The following WDFY3 variants were observed in gnomAD, a reference collection of about 807,000 sequenced individuals.
The protein encoded by WDFY3 is WD repeat and FYVE domain containing 3, also known as WD repeat and FYVE domain-containing protein 3.
WDFY3 carries 66 observed loss-of-function variants against 409.6 expected under a neutral mutation model. The ratio of observed to expected loss-of-function variants is 0.16; its 90% CI spans 0.13 to 0.20. WDFY3 has a LOEUF of 0.20. Ranked by LOEUF, WDFY3 falls within the 10% of genes least tolerant of loss-of-function variation. The pLI is 1.00. For missense variants in WDFY3, 3,031 were observed against 4,298.1 expected (o/e 0.71, Z 8.24); for synonymous variants, 1,521 against 1,537.1 (o/e 0.99, Z 0.25).
chr4:84,801,787 CAT>C lies in WDFY3; in HGVS notation c.2683_2684del (p.Met895ValfsTer2). On this transcript the variant is annotated frameshift_variant, in exon 17 of 68. Coordinates refer to ENST00000295888, the MANE Select transcript of WDFY3 (RefSeq NM_014991.6). LOFTEE classifies it high-confidence loss of function. The stretch of plus-strand genomic sequence containing the variant: ...GTCGTGCATGAAGACCAGCTTCACA[CAT>C]GACTTGCTGGTTCCTTTCTGTGTGC... Reference protein sequence around the residue: ...LVHTERNQQVMCEAGLHARLL... With the variant: ...LVHTERNQQVXCEAGLHARLL... 6.2e-7 allele frequency: 1 copy of C among 1,614,194 alleles called. No individual in the cohort carries two copies. The highest frequency in any genetic ancestry group is 8.5e-7 in the Non-Finnish European group (1 of 1,180,038).
At chr4:84,741,949 A>T in intron 37 of WDFY3, 28 bp from the exon 38 acceptor site, 1 of 1,557,438 alleles carries the variant, frequency 6.4e-7, no homozygotes, top group Non-Finnish European at 8.7e-7. Context: ...AAAAAGTCTA[A>T]GAAAATTGAT....
At chr4:84,783,220 C>A in intron 24 of WDFY3, 146 bp from the exon 25 acceptor site, 1 of 739,528 alleles carries the variant, frequency 1.4e-6, no homozygotes. Context: ...TAGGTCCAGC[C>A]TGGTGGCTCA....
chr4:84,721,655 T>A, intron 46 of WDFY3, 83 bp from the exon 47 acceptor site: 2 of 1,508,768 alleles, frequency 1.3e-6, no homozygotes, highest in Non-Finnish European at 1.8e-6. Context: ...GTTCCTTCTA[T>A]AGATTTCCAA....
chr4:84,746,757 G>C (rs1275330292), intron 36 of WDFY3, among the ~76,000 whole-genome samples: 1 of 151,996 alleles, frequency 6.6e-6, no homozygotes, highest in Non-Finnish European at 1.5e-5. Flanking sequence ...ACTGTTTTGT[G>C]CCAGACACAG....
intron 5 of WDFY3, among the ~76,000 whole-genome samples, chr4:84,844,085 A>C (rs546803423): frequency 6.6e-6 from 1 of 152,226 alleles, no homozygotes; most frequent in South Asian, 2.1e-4. Context: ...CCAGGATTTC[A>C]TTAAATAAGT....
intron 41 of WDFY3, among the ~76,000 whole-genome samples, chr4:84,736,752 A>G (rs993646800): frequency 3.3e-5 from 5 of 152,184 alleles, no homozygotes; most frequent in African/African-American, 4.8e-5. Context: ...TTAATACGTC[A>G]ATATTACTGC....
At chr4:84,885,176 T>G (rs1764033063) in intron 3 of WDFY3, among the ~76,000 whole-genome samples, 1 of 151,998 alleles carries the variant, frequency 6.6e-6, no homozygotes, top group Admixed American at 6.6e-5. Flanking sequence ...AATTTTTTTT[T>G]GTATTTTTGT....
intron 3 of WDFY3, among the ~76,000 whole-genome samples, chr4:84,890,755 T>C (rs963984613): frequency 6.6e-6 from 1 of 152,160 alleles, no homozygotes; most frequent in Admixed American, 6.5e-5. Flanking sequence ...CCATATATAA[T>C]AGGTAAGTGA....
At chr4:84,807,283 G>A (rs1414899114) in intron 15 of WDFY3, among the ~76,000 whole-genome samples, 2 of 152,018 alleles carry the variant, frequency 1.3e-5, no homozygotes, top group African/African-American at 4.8e-5. Flanking sequence ...CAAATATACT[G>A]AACAATCCTA....
At chr4:84,779,931 TAAAG>T (rs1292606221) in intron 26 of WDFY3, among the ~76,000 whole-genome samples, 173 bp downstream of exon 26, 2 of 152,306 alleles carry the variant, frequency 1.3e-5, no homozygotes, top group Admixed American at 6.5e-5. Flanking sequence ...TAAAGCAAAA[TAAAG>T]AAACAATACA....
At position 84,739,201 on chromosome 4, in the gene WDFY3, A is replaced by G. The variant is rs529771962; in HGVS notation, c.6465-82T>C. ...AGTAACTAAGAATTACTCTATTTCCATTACCAGCAGACACTGAATGTCTAC... is the reference window on the plus strand; with the variant it reads ...AGTAACTAAGAATTACTCTATTTCCGTTACCAGCAGACACTGAATGTCTAC... On this transcript the variant is annotated intron_variant, in intron 39 of 67. Transcript: ENST00000295888. 1.2e-5 allele frequency: 16 copies of G among 1,364,884 alleles called. No individual in the cohort carries two copies. In the South Asian group the frequency reaches 1.8e-4, roughly 15 times the overall value. The allele number at this position is 1,364,884 out of a possible 1,614,324, so 84.5% of individuals were successfully genotyped here. A position where few individuals can be genotyped will look rare whatever the true frequency, so the allele number is the denominator to read the frequency against.
chr4:84,905,124 T>A (rs1766869193), intron 2 of WDFY3, among the ~76,000 whole-genome samples: 1 of 152,160 alleles, frequency 6.6e-6, no homozygotes, highest in South Asian at 2.1e-4. Context: ...TCACTTGAGG[T>A]CAGGAGTTCG....
At chr4:84,770,090 G>A (rs991812606) in intron 30 of WDFY3, among the ~76,000 whole-genome samples, 1 of 151,300 alleles carries the variant, frequency 6.6e-6, no homozygotes, top group Non-Finnish European at 1.5e-5. Flanking sequence ...GTGCAGTGGC[G>A]TGATCTCTGC....
At chr4:84,924,122 A>G (rs1769666283) in intron 2 of WDFY3, among the ~76,000 whole-genome samples, 1 of 152,266 alleles carries the variant, frequency 6.6e-6, no homozygotes, top group African/African-American at 2.4e-5. Flanking sequence ...GATTTAGGGC[A>G]CAGCCCTAAG....
chr4:84,695,522 AGAGAGAG>A (rs1729981723), intron 58 of WDFY3, among the ~76,000 whole-genome samples: 1 of 148,444 alleles, frequency 6.7e-6, no homozygotes, highest in Non-Finnish European at 1.5e-5. Flanking sequence ...AGAGAGAGAG[AGAGAGAG>A]AGAGAGAGAG....
chr4:84,756,377 G>T (rs1741460215), intron 33 of WDFY3, among the ~76,000 whole-genome samples: 1 of 151,984 alleles, frequency 6.6e-6, no homozygotes, highest in Non-Finnish European at 1.5e-5. Flanking sequence ...CTGAGGTCAG[G>T]AGTTCAAGAC....
At chr4:84,809,771 T>C (rs957665485) in intron 14 of WDFY3, 116 bp downstream of exon 14, 6 of 921,812 alleles carry the variant, frequency 6.5e-6, no homozygotes, top group Non-Finnish European at 8.0e-6. Context: ...TTCAAACAAA[T>C]AGGAGAAGAG....
intron 3 of WDFY3, among the ~76,000 whole-genome samples, chr4:84,882,710 T>C (rs975080691): frequency 3.3e-5 from 5 of 151,856 alleles, no homozygotes; most frequent in Middle Eastern, 3.4e-3. Context: ...TATTATTGTT[T>C]CACCTATATT....
At chr4:84,907,753 G>A (rs1767234875) in intron 2 of WDFY3, among the ~76,000 whole-genome samples, 1 of 146,850 alleles carries the variant, frequency 6.8e-6, no homozygotes, top group Non-Finnish European at 1.5e-5. Context: ...CCCAGTCACT[G>A]TACCAGGCCC....
Sources: allele counts gnomAD v4.1 joint callset (sites outside exome capture counted in the v4.1 genomes callset), GRCh38; gene constraint gnomAD v4.1.1; transcripts MANE v1.5; gene names NCBI Gene and HGNC (gene_info 2026-07-23, HGNC 2026-07-21).